The following EFCC1 variants were observed in gnomAD, a reference collection of about 807,000 sequenced individuals.
EFCC1 encodes the protein EF-hand and coiled-coil domain containing 1, also known as EF-hand and coiled-coil domain-containing protein 1.
Under a neutral mutation model 52.1 loss-of-function variants are expected in EFCC1, and 50 were observed. The ratio of observed to expected loss-of-function variants is 0.96; its 90% CI spans 0.76 to 1.21. EFCC1 has a LOEUF of 1.21. Among genes scored for constraint, EFCC1 ranks in the 50% most tolerant of loss-of-function variants. The pLI, the probability that EFCC1 is intolerant of heterozygous loss-of-function variation, is 0.00. For synonymous variants in EFCC1, 399 were observed against 396.5 expected (o/e 1.01, Z -0.08); for missense variants, 837 against 867.3 (o/e 0.97, Z 0.44).
chr3:129,002,075 C>T lies in EFCC1; in HGVS notation c.447C>T (p.Leu149=), dbSNP rs768647320. The change falls in exon 1 of 8, where the codon CTC becomes CTT. Residue 149 remains leucine (L), a synonymous_variant. Coordinates refer to ENST00000683648, the MANE Select transcript of EFCC1 (RefSeq NM_001377500.1). The part of the protein sequence containing the change: ...ELTFRQFHAR[L]CGYFGTRAGP... ...CCTTCCGCCAGTTCCACGCGCGCCTCTGTGGCTACTTCGGCACCCGTGCGG... is the reference window on the plus strand; with the variant it reads ...CCTTCCGCCAGTTCCACGCGCGCCTTTGTGGCTACTTCGGCACCCGTGCGG... 11 of 1,533,296 alleles carry T rather than the reference C, an allele frequency of 7.2e-6. No homozygotes were observed. The South Asian group carries it at 1.3e-4, about 19-fold the overall frequency. The allele number at this position is 1,533,296 out of a possible 1,614,324, so 95.0% of individuals were successfully genotyped here. A position where few individuals can be genotyped will look rare whatever the true frequency, so the allele number is the denominator to read the frequency against.
chr3:129,022,742 C>G (rs1945914243), intron 2 of EFCC1, among the ~76,000 whole-genome samples: 1 of 152,216 alleles, frequency 6.6e-6, no homozygotes. Flanking sequence ...TTCAGTAATG[C>G]CTGTTGAGTG....
At position 129,013,985 on chromosome 3, in the gene EFCC1, G is replaced by A. The variant is rs576258248; in HGVS notation, c.980+9908G>A. On this transcript the variant is annotated intron_variant, in intron 2 of 7. Coordinates refer to ENST00000683648, the MANE Select transcript of EFCC1 (RefSeq NM_001377500.1). Reference sequence around the variant, plus strand: ...CTGAGTTGGGGGTGGGGGCTTTTCCGGAGAGGACCGAGGTGACTGGAGAAG... The same window carrying A: ...CTGAGTTGGGGGTGGGGGCTTTTCCAGAGAGGACCGAGGTGACTGGAGAAG... 3.2e-3 allele frequency among the ~76,000 whole-genome samples: 490 copies of A among 152,284 alleles called. 3 individuals are homozygous for A. The highest frequency in any genetic ancestry group is 5.7e-3 in the Non-Finnish European group (389 of 68,000).
chr3:129,004,091 C>A lies in EFCC1; in HGVS notation c.980+14C>A, dbSNP rs1218424599. On this transcript the variant is annotated intron_variant, in intron 2 of 7. Coordinates refer to ENST00000683648, the MANE Select transcript of EFCC1 (RefSeq NM_001377500.1). ...GCAACGCTACAGGTGAGCGGGGGCGCGTGCCCTGGGCCCAAGTTCCCCAAT... is the reference window on the plus strand; with the variant it reads ...GCAACGCTACAGGTGAGCGGGGGCGAGTGCCCTGGGCCCAAGTTCCCCAAT... The A allele has an allele frequency of 3.4e-6, 5 of 1,480,304 alleles. No individual in the cohort carries two copies. Among genetic ancestry groups the A allele is most frequent in the Non-Finnish European group, 4.5e-6 (5 of 1,121,180 alleles). The allele number at this position is 1,480,304 out of a possible 1,614,324, so 91.7% of individuals were successfully genotyped here.
rs1576788645 is a variant in EFCC1 at position 129,039,760 on chromosome 3, T to A, written c.1712T>A (p.Leu571Ter). The change falls in exon 8 of 8, where the codon TTG becomes TAG. Residue 571 changes from leucine (L) to a stop codon, truncating the protein, a stop_gained. Transcript: ENST00000683648. LOFTEE classifies it low-confidence loss of function (END_TRUNC). ...ATCCTGGATGCCCTGCACCAAGCCTTGGCTGCCTGCCAGCTGTTGCGGAGA... is the reference window on the plus strand; with the variant it reads ...ATCCTGGATGCCCTGCACCAAGCCTAGGCTGCCTGCCAGCTGTTGCGGAGA... ...AAILDALHQA[L>*]AACQLLRRQP... 5.6e-6 allele frequency: 9 copies of A among 1,612,040 alleles called. No homozygotes were observed. The highest frequency in any genetic ancestry group is 1.3e-5 in the African/African-American group (1 of 74,864).
intron 2 of EFCC1, among the ~76,000 whole-genome samples, chr3:129,006,124 A>G (rs902542380): frequency 1.3e-5 from 2 of 152,356 alleles, no homozygotes; most frequent in Middle Eastern, 3.4e-3. Flanking sequence ...GAAGTTAAGT[A>G]ATGTACCCAA....
intron 1 of EFCC1, 171 bp downstream of exon 1, chr3:129,002,495 C>T: frequency 7.8e-7 from 1 of 1,274,786 alleles, no homozygotes. Context: ...TGTTCCTCCC[C>T]ATTCCACTCC....
intron 2 of EFCC1, among the ~76,000 whole-genome samples, chr3:129,008,962 C>T (rs530875490): frequency 6.7e-6 from 1 of 149,760 alleles, no homozygotes; most frequent in Non-Finnish European, 1.5e-5. Context: ...AATAGTCCAT[C>T]CCCACACACA....
chr3:129,035,765 G>A (rs1292826195), intron 5 of EFCC1, among the ~76,000 whole-genome samples: 1 of 152,132 alleles, frequency 6.6e-6, no homozygotes, highest in South Asian at 2.1e-4. Context: ...ATGGCATGGC[G>A]GTTATGTGCT....
rs544566147 is a variant in EFCC1, at chr3:129,040,062, G to A, written c.*214G>A. The A allele has an allele frequency of 6.2e-5, 32 of 517,624 alleles. 1 individual carries two copies. In the South Asian group the frequency reaches 8.3e-4, roughly 13 times the overall value. 32.1% of individuals were successfully genotyped at this position (517,624 alleles called of 1,614,324 possible). On this transcript the variant is annotated 3_prime_UTR_variant, in exon 8 of 8. Transcript: ENST00000683648. The surrounding 1 kb of genome is among the most constrained non-coding windows in gnomAD (Gnocchi z 4.4). Reference sequence around the variant, plus strand: ...TCCTCGGGCTCCTCCACATTACCTCGCAGCCCCTGCATTCCTGCCACCAGA... The same window carrying A: ...TCCTCGGGCTCCTCCACATTACCTCACAGCCCCTGCATTCCTGCCACCAGA...
intron 6 of EFCC1, among the ~76,000 whole-genome samples, chr3:129,037,766 T>C (rs541512883): frequency 2.0e-5 from 3 of 152,114 alleles, no homozygotes; most frequent in South Asian, 4.2e-4. Flanking sequence ...GGAATCCCCC[T>C]AAAATCAGAT....
intron 6 of EFCC1, 82 bp downstream of exon 6, chr3:129,037,199 C>T (rs1232114515): frequency 2.0e-6 from 3 of 1,463,426 alleles, no homozygotes; most frequent in Non-Finnish European, 2.7e-6. Context: ...AGGCACCAGG[C>T]TCTAGGCTCT....
chr3:129,003,888 T>A lies in EFCC1; in HGVS notation c.791T>A (p.Leu264Gln), dbSNP rs1365657976. ...GAGCTGCGTCAGGCGCAGGGCGCCC[T>A]GGCTGCGGCGGAGGCCCGCGCTGGG... ...VRELRQAQGA[L>Q]AAAEARAGRL... The change falls in exon 2 of 8, where the codon CTG (leucine) becomes CAG (glutamine). Residue 264 changes from leucine to glutamine, a missense_variant. Physicochemically the swap from Leu to Gln is moderately radical, Grantham distance 113 (BLOSUM62 -2). Transcript: ENST00000683648. 1.1e-5 allele frequency: 15 copies of A among 1,392,214 alleles called. No homozygotes were observed. Among genetic ancestry groups the A allele is most frequent in the Non-Finnish European group, 1.4e-5 (15 of 1,075,442 alleles). The allele number at this position is 1,392,214 out of a possible 1,614,324, so 86.2% of individuals were successfully genotyped here.
At chr3:129,015,219 C>T (rs897763850) in intron 2 of EFCC1, among the ~76,000 whole-genome samples, 1 of 152,128 alleles carries the variant, frequency 6.6e-6, no homozygotes, top group Admixed American at 6.5e-5. Context: ...CCTTCTCAGG[C>T]CCTTTGGGCA....
chr3:129,009,692 C>T (rs1945231248), intron 2 of EFCC1, among the ~76,000 whole-genome samples: 3 of 152,210 alleles, frequency 2.0e-5, no homozygotes, highest in African/African-American at 7.2e-5. Flanking sequence ...CCCCTTTGCC[C>T]CTCTCTGGAG....
chr3:129,006,767 T>A (rs914317519), intron 2 of EFCC1, among the ~76,000 whole-genome samples: 1 of 152,194 alleles, frequency 6.6e-6, no homozygotes, highest in African/African-American at 2.4e-5. Context: ...GTGTCACTAA[T>A]TTCTCTGCCC....
At chr3:129,015,040 C>T (rs1305020297) in intron 2 of EFCC1, among the ~76,000 whole-genome samples, 5 of 152,202 alleles carry the variant, frequency 3.3e-5, no homozygotes, top group African/African-American at 1.2e-4. Context: ...CCAGCTCCAT[C>T]AGAACCACGG....
intron 1 of EFCC1, 165 bp downstream of exon 1, chr3:129,002,489 C>G: frequency 7.7e-7 from 1 of 1,298,804 alleles, no homozygotes; most frequent in South Asian, 1.7e-5. Flanking sequence ...TGCCCCTGTT[C>G]CTCCCCATTC....
In EFCC1 at chr3:129,002,250, A is replaced by G; in HGVS notation, c.622A>G (p.Ser208Gly). 1.3e-6 allele frequency: 2 copies of G among 1,531,184 alleles called. No homozygotes were observed. The highest frequency in any genetic ancestry group is 1.4e-5 in the African/African-American group (1 of 71,814). The allele number at this position is 1,531,184 out of a possible 1,614,324, so 94.8% of individuals were successfully genotyped here. A position where few individuals can be genotyped will look rare whatever the true frequency, so the allele number is the denominator to read the frequency against. The change falls in exon 1 of 8, where the codon AGC becomes GGC. Residue 208 changes from serine (S) to glycine (G), a missense_variant. By Grantham distance (56) the Ser-to-Gly change is moderately conservative (BLOSUM62 0). Coordinates refer to ENST00000683648, the MANE Select transcript of EFCC1 (RefSeq NM_001377500.1). ...CGTTGCGCGGCTGGAGGAGGAGAAT[A>G]GCAGCTTGCGCGAGTTGGTGGAGGA... ...ERVARLEEENSSLRELVEDLR... is the reference protein window; with the variant it reads ...ERVARLEEENGSLRELVEDLR...
Position 129,034,145 on chromosome 3 carries a change from G to T in EFCC1, c.1287-19G>T. On this transcript the variant is annotated intron_variant, in intron 4 of 7. Transcript: ENST00000683648. ...TGGGAAGCAGCCCCCTGCAATGCGG[G>T]CCCTCTCCTTTGCTGCAGGTGTGAT... 1 of 1,614,094 alleles carries T rather than the reference G, an allele frequency of 6.2e-7. No individual in the cohort carries two copies. The highest frequency in any genetic ancestry group is 8.5e-7 in the Non-Finnish European group (1 of 1,179,956).
Sources: gnomAD v4.1 joint callset for allele counts (sites outside exome capture counted in the v4.1 genomes callset) on GRCh38, gnomAD v4.1.1 for gene constraint, Gnocchi (gnomAD v3.1) non-coding constraint, MANE v1.5 for transcripts, NCBI Gene and HGNC (gene_info 2026-07-23, HGNC 2026-07-21) for gene names.